B3GALT1: variants seen among roughly 807,000 people sequenced by gnomAD.
B3GALT1 encodes the protein beta-1,3-galactosyltransferase 1, also known as UDP-Gal:betaGlcNAc beta 1,3-galactosyltransferase, polypeptide 1.
In B3GALT1, 10 loss-of-function variants were observed where a neutral mutation model predicts 23.2. The observed-to-expected ratio is 0.43, with a 90% CI of 0.27 to 0.73. The LOEUF is 0.73. B3GALT1 is among the 30% of genes least tolerant of loss of function. The pLI is 0.21. For synonymous variants in B3GALT1, 156 were observed against 141.5 expected (o/e 1.10, Z -0.73); for missense variants, 299 against 405.4 (o/e 0.74, Z 2.25).
intron 3 of B3GALT1, among the ~76,000 whole-genome samples, chr2:167,768,913 T>A (rs1688024051): frequency 6.6e-6 from 1 of 152,176 alleles, no homozygotes; most frequent in Non-Finnish European, 1.5e-5. Flanking sequence ...GTCCATAAAT[T>A]AGAATCTTGT....
chr2:167,758,380 T>C (rs7557358), intron 3 of B3GALT1, among the ~76,000 whole-genome samples: 94,050 of 151,934 alleles, frequency 0.62, 30,073 homozygotes, highest in East Asian at 0.85. Context: ...GCCCCAGTCC[T>C]GGGCTCAGAG....
intron 4 of B3GALT1, among the ~76,000 whole-genome samples, chr2:167,864,126 A>T (rs761798686): frequency 5.9e-5 from 9 of 152,106 alleles, no homozygotes; most frequent in Non-Finnish European, 1.3e-4. Flanking sequence ...TCAAGCTTTA[A>T]TGTGCTCTTT....
intron 1 of B3GALT1, among the ~76,000 whole-genome samples, chr2:167,307,056 T>C (rs10930264): frequency 0.81 from 123,090 of 151,472 alleles, 51,041 homozygotes; most frequent in Non-Finnish European, 0.9. Context: ...GAAATAAATT[T>C]AGGGAAAATT....
At chr2:167,789,594 A>C (rs1688400078) in intron 3 of B3GALT1, among the ~76,000 whole-genome samples, 1 of 151,340 alleles carries the variant, frequency 6.6e-6, no homozygotes, top group Non-Finnish European at 1.5e-5. Flanking sequence ...ATGTTGCCAC[A>C]GCAAACTGCT....
In B3GALT1 at chr2:167,531,198, G is replaced by A. The variant is rs184694001; in HGVS notation, c.-410+40921G>A. On this transcript the variant is annotated intron_variant, in intron 2 of 4. Transcript: ENST00000392690. ...TCAAAGTAATAATTACTTCATCTCA[G>A]TGACATGTGATGCTTTTAAATAATA... Among the ~76,000 whole-genome samples, 325 of 152,236 alleles carry A rather than the reference G, an allele frequency of 2.1e-3. 2 individuals carry two copies. The highest frequency in any genetic ancestry group is 7.5e-3 in the African/African-American group (310 of 41,542).
At chr2:167,652,729 G>T (rs1045310621) in intron 3 of B3GALT1, among the ~76,000 whole-genome samples, 10 of 152,026 alleles carry the variant, frequency 6.6e-5, no homozygotes, top group African/African-American at 2.4e-4. Flanking sequence ...CTCTATAATA[G>T]GTGCTTTTTC....
chr2:167,711,606 G>C (rs185955944), intron 3 of B3GALT1, among the ~76,000 whole-genome samples: 1 of 152,142 alleles, frequency 6.6e-6, no homozygotes, highest in Non-Finnish European at 1.5e-5. Context: ...ATTTCCAAGT[G>C]GTAAGAACTT....
chr2:167,530,554 T>C (rs2105367506), intron 2 of B3GALT1, among the ~76,000 whole-genome samples: 1 of 152,336 alleles, frequency 6.6e-6, no homozygotes, highest in South Asian at 2.1e-4. Context: ...GACTGAATAA[T>C]CCACTTTCTT....
chr2:167,621,557 G>A (rs1730684), intron 2 of B3GALT1, among the ~76,000 whole-genome samples: 113,155 of 151,950 alleles, frequency 0.74, 42,343 homozygotes, highest in Admixed American at 0.82. Flanking sequence ...GAGGGAAAAC[G>A]TATTACTTTA....
intron 1 of B3GALT1, among the ~76,000 whole-genome samples, chr2:167,439,973 T>C (rs914533836): frequency 3.3e-5 from 5 of 152,166 alleles, no homozygotes; most frequent in Non-Finnish European, 5.9e-5. Context: ...TCCTGAACTC[T>C]TGGTTTGCCT....
chr2:167,607,298 G>A lies in B3GALT1; in HGVS notation c.-409-39611G>A, dbSNP rs1289199240. On this transcript the variant is annotated intron_variant, in intron 2 of 4. Transcript: ENST00000392690. ...CGTTTTCCTTTTTTGCTCAGTCATA[G>A]TTCAGTACAAATATTCAGCAAGCGT... 2.0e-5 allele frequency among the ~76,000 whole-genome samples: 3 copies of A among 152,156 alleles called. No individual in the cohort carries two copies. The East Asian group carries it at 5.8e-4, about 29-fold the overall frequency.
At chr2:167,672,754 A>G (rs1686353930) in intron 3 of B3GALT1, among the ~76,000 whole-genome samples, 1 of 152,168 alleles carries the variant, frequency 6.6e-6, no homozygotes, top group Non-Finnish European at 1.5e-5. Flanking sequence ...GCTGTATAAG[A>G]TTTGTACATA....
intron 2 of B3GALT1, among the ~76,000 whole-genome samples, chr2:167,620,412 T>C (rs1685235582): frequency 6.6e-6 from 1 of 152,092 alleles, no homozygotes. Context: ...GTAGGCTGGC[T>C]TAAGGATTTG....
chr2:167,802,649 G>A (rs982820601), intron 3 of B3GALT1, among the ~76,000 whole-genome samples: 28 of 152,200 alleles, frequency 1.8e-4, no homozygotes, highest in South Asian at 1.2e-3. Context: ...GAACTCATTC[G>A]TAATTGAAAA....
At chr2:167,349,422 GCT>G (rs1697276655) in intron 1 of B3GALT1, among the ~76,000 whole-genome samples, 1 of 152,114 alleles carries the variant, frequency 6.6e-6, no homozygotes, top group African/African-American at 2.4e-5. Context: ...GAATAGTGAT[GCT>G]GGCAATTCGG....
intron 1 of B3GALT1, among the ~76,000 whole-genome samples, chr2:167,417,260 T>G (rs1004672901): frequency 1.3e-5 from 2 of 152,120 alleles, no homozygotes; most frequent in African/African-American, 4.8e-5. Context: ...GATTAATCGA[T>G]TAATGGATTG....
intron 1 of B3GALT1, among the ~76,000 whole-genome samples, chr2:167,456,700 C>G (rs989792408): frequency 4.6e-5 from 7 of 151,974 alleles, no homozygotes; most frequent in Non-Finnish European, 1.0e-4. Flanking sequence ...CTTATGATTA[C>G]CAGTTTATTA....
intron 2 of B3GALT1, among the ~76,000 whole-genome samples, chr2:167,547,693 CAAAA>C (rs71031296): frequency 0.025 from 1,900 of 75,490 alleles, 17 homozygotes; most frequent in Middle Eastern, 0.047. Flanking sequence ...GACTCTGTCT[CAAAA>C]AAAAAAAAAA....
chr2:167,293,155 G>A lies in B3GALT1; in HGVS notation c.-690G>A, dbSNP rs1696279308. 1 of 151,428 alleles carries A rather than the reference G, an allele frequency of 6.6e-6. No individual in the cohort carries two copies. The highest frequency in any genetic ancestry group is 1.5e-5 in the Non-Finnish European group (1 of 67,762). The allele number at this position is 151,428 out of a possible 1,614,324, so 9.4% of individuals were successfully genotyped here. On this transcript the variant is annotated 5_prime_UTR_variant, in exon 1 of 5. Coordinates refer to ENST00000392690, the MANE Select transcript of B3GALT1 (RefSeq NM_020981.4). ...CGCCGGCGCTGCCGGTCTTGCAGGC[G>A]GCCGCCGGGGAGGGGCGGCCGAGAG...
Sources: gnomAD v4.1 joint callset for allele counts (sites outside exome capture counted in the v4.1 genomes callset) on GRCh38, gnomAD v4.1.1 for gene constraint, MANE v1.5 for transcripts, NCBI Gene and HGNC (gene_info 2026-07-23, HGNC 2026-07-21) for gene names.